FILIP1L: variants seen among roughly 807,000 people sequenced by gnomAD.
The protein encoded by FILIP1L is filamin A-interacting protein 1-like.
FILIP1L carries 55 observed loss-of-function variants against 96.6 expected under a neutral mutation model. The ratio of observed to expected loss-of-function variants is 0.57; its 90% confidence interval spans 0.46 to 0.71. The LOEUF is 0.71. FILIP1L is among the 30% of genes least tolerant of loss of function. The probability of loss-of-function intolerance (pLI) is 0.00; values close to 1 mark genes in which losing one functional copy is unlikely to be tolerated. For missense variants in FILIP1L, 1,304 were observed against 1,321.2 expected, an observed-to-expected ratio of 0.99 and a Z score of 0.20; for synonymous variants, 467 against 473.9, an observed-to-expected ratio of 0.99 and a Z score of 0.19.
chr3:100,043,280 T>C (rs2065233434), intron 1 of FILIP1L, among the ~76,000 whole-genome samples: 1 of 152,234 alleles, frequency 6.6e-6, no homozygotes, highest in Non-Finnish European at 1.5e-5. Flanking sequence ...CAGAAAATCA[T>C]GTCCAGTAAG....
At chr3:100,006,624 T>G (rs1709994972) in intron 1 of FILIP1L, among the ~76,000 whole-genome samples, 1 of 152,112 alleles carries the variant, frequency 6.6e-6, no homozygotes, top group South Asian at 2.1e-4. Flanking sequence ...ATGATGAGAA[T>G]TCAGCTCATT....
At chr3:99,952,415 T>G (rs2107690395) in intron 1 of FILIP1L, among the ~76,000 whole-genome samples, 1 of 152,270 alleles carries the variant, frequency 6.6e-6, no homozygotes, top group East Asian at 1.9e-4. Context: ...ACAGAATAAT[T>G]TTCTGGCTGA....
chr3:100,093,076 A>G (rs2066141014), intron 1 of FILIP1L, among the ~76,000 whole-genome samples: 1 of 152,138 alleles, frequency 6.6e-6, no homozygotes, highest in South Asian at 2.1e-4. Flanking sequence ...AGAATACAGA[A>G]TGGAAAAAAT....
At chr3:99,934,291 C>T (rs1304224437) in intron 1 of FILIP1L, among the ~76,000 whole-genome samples, 1 of 152,194 alleles carries the variant, frequency 6.6e-6, no homozygotes, top group Non-Finnish European at 1.5e-5. Context: ...TAACTGCAGC[C>T]ATCTTTGAAA....
At chr3:100,093,005 GAATTTGTGGGGTTTCATA>G (rs1266985226) in intron 1 of FILIP1L, among the ~76,000 whole-genome samples, 1 of 151,854 alleles carries the variant, frequency 6.6e-6, no homozygotes, top group East Asian at 1.9e-4. Context: ...CATAAATTGA[GAATTTGTGGGGTTTCATA>G]AATACGTTGA....
At chr3:100,072,727 GACTTATCACCTGACCTC>G (rs1333726267) in intron 1 of FILIP1L, among the ~76,000 whole-genome samples, 1 of 152,182 alleles carries the variant, frequency 6.6e-6, no homozygotes, top group African/African-American at 2.4e-5. Flanking sequence ...AGGTGATGAG[GACTTATCACCTGACCTC>G]ACTTGATAAT....
At chr3:99,984,127 A>G (rs1421581066) in intron 1 of FILIP1L, among the ~76,000 whole-genome samples, 1 of 151,584 alleles carries the variant, frequency 6.6e-6, no homozygotes, top group African/African-American at 2.4e-5. Flanking sequence ...GAAATAATTG[A>G]TCCATAGTTC....
rs1353135542 is a variant in FILIP1L, at chr3:100,021,956, TGTGTGAGAGAGAGAGAGA to T, written c.-10-90944_-10-90927del. Among the ~76,000 whole-genome samples, 304 of 94,568 alleles carry T rather than the reference TGTGTGAGAGAGAGAGAGA, an allele frequency of 3.2e-3. 1 individual carries two copies. The highest frequency in any genetic ancestry group is 0.025 in the Middle Eastern group (5 of 198). 62.0% of individuals were successfully genotyped at this position (94,568 alleles called of 152,430 possible). Reference sequence around the variant, plus strand: ...GTGTGTGTGTGTGTGTGTGTGTGTGTGTGTGAGAGAGAGAGAGAGAGAGAGAGAGAGAGAGAGATATGA... The same window carrying T: ...GTGTGTGTGTGTGTGTGTGTGTGTGTGAGAGAGAGAGAGAGAGAGATATGA... On this transcript the variant is annotated intron_variant, in intron 1 of 5. Transcript: ENST00000477258.
intron 5 of FILIP1L, among the ~76,000 whole-genome samples, chr3:99,840,221 C>CT (rs10935982): frequency 0.65 from 66,751 of 102,186 alleles, 23,042 homozygotes; most frequent in East Asian, 0.76. Flanking sequence ...TTCGTAGAAT[C>CT]TTTTTTTTTT....
chr3:99,897,591 G>A (rs145491312), intron 4 of FILIP1L, among the ~76,000 whole-genome samples: 1 of 152,280 alleles, frequency 6.6e-6, no homozygotes, highest in Non-Finnish European at 1.5e-5. Context: ...ACAATGGGAT[G>A]CCTTATGATG....
Position 99,930,785 on chromosome 3 carries a change from A to C in FILIP1L, c.236T>G (p.Leu79Arg). 6.2e-7 allele frequency: 1 copy of C among 1,613,414 alleles called. No homozygotes were observed. The change falls in exon 2 of 6, where the codon CTG becomes CGG. Residue 79 changes from leucine to arginine, a missense_variant. Leu to Arg is a moderately radical substitution (Grantham distance 102). Transcript: ENST00000477258. The stretch of plus-strand genomic sequence containing the variant: ...CCAGCTGACCTGCAGTTCTCCCTCC[A>C]GAATGCTGAGGAGAAATAACAGGTC... ...RDDLLFLLSI[L>R]EGELQARDEV...
intron 1 of FILIP1L, among the ~76,000 whole-genome samples, chr3:100,014,863 CTTTTTCTTTTCTTTTTTTTTTTTCTT>C (rs1710276930): frequency 5.5e-5 from 1 of 18,080 alleles, no homozygotes; most frequent in South Asian, 1.3e-3. Flanking sequence ...CACCATTTGT[CTTTTTCTTTTCTTTTTTTTTTTTCTT>C]TCTTTCTTTT....
At chr3:99,840,384 C>T (rs1576500054) in intron 5 of FILIP1L, among the ~76,000 whole-genome samples, 6 of 151,768 alleles carry the variant, frequency 4.0e-5, no homozygotes, top group South Asian at 4.2e-4. Flanking sequence ...CCACCATGCC[C>T]GGCTAATTTT....
chr3:99,867,015 TGA>T, intron 4 of FILIP1L, among the ~76,000 whole-genome samples: 2 of 152,366 alleles, frequency 1.3e-5, no homozygotes, highest in South Asian at 4.1e-4. Flanking sequence ...TTCTGAATAC[TGA>T]GAAGACAGAA....
At chr3:99,840,411 A>G (rs977199122) in intron 5 of FILIP1L, among the ~76,000 whole-genome samples, 6 of 151,680 alleles carry the variant, frequency 4.0e-5, no homozygotes, top group African/African-American at 1.5e-4. Flanking sequence ...TTTAGTAGAG[A>G]TGGGATTTCA....
At position 99,843,967 on chromosome 3, in the gene FILIP1L, C is replaced by A. The variant is rs557123696; in HGVS notation, c.3381+4328G>T. 3.9e-5 allele frequency among the ~76,000 whole-genome samples: 6 copies of A among 152,272 alleles called. No individual in the cohort carries two copies. In the South Asian group the frequency reaches 1.2e-3, roughly 32 times the overall value. On this transcript the variant is annotated intron_variant, in intron 5 of 5. Coordinates refer to ENST00000477258, the MANE Select transcript of FILIP1L (RefSeq NM_001387850.1). ...GCTAATGCCTAATGATCTGAGTGGA[C>A]AGTTTCATCCTGAAACCATCCCCCC... is the stretch of plus-strand genomic sequence containing the variant.
chr3:99,879,100 C>T (rs956601773), intron 4 of FILIP1L, among the ~76,000 whole-genome samples: 1 of 152,152 alleles, frequency 6.6e-6, no homozygotes, highest in African/African-American at 2.4e-5. Context: ...AATAAGCATA[C>T]CTAGACACCA....
At chr3:100,018,464 G>A (rs1710408680) in intron 1 of FILIP1L, among the ~76,000 whole-genome samples, 1 of 152,122 alleles carries the variant, frequency 6.6e-6, no homozygotes, top group Non-Finnish European at 1.5e-5. Context: ...GTCAGATGAG[G>A]CTCATTTGTG....
chr3:99,848,746 G>T lies in FILIP1L; in HGVS notation c.2930C>A (p.Thr977Asn), dbSNP rs750545270. The change falls in exon 5 of 6, where the codon ACC becomes AAC. Residue 977 changes from threonine to asparagine, a missense_variant. Physicochemically the swap from Thr to Asn is moderately conservative, Grantham distance 65. Transcript: ENST00000477258. The stretch of plus-strand genomic sequence containing the variant: ...CTGTGCTCTGGCAAAGGTTGCCATG[G>T]TAATTGGGGACATGCCTTGTTCTAA... ...MNLEQGMSPI[T>N]MATFARAQTP... 1.8e-5 allele frequency: 29 copies of T among 1,614,068 alleles called. No homozygotes were observed. In the Admixed American group the frequency reaches 4.8e-4, roughly 27 times the overall value.
Sources: allele counts gnomAD v4.1 joint callset (sites outside exome capture counted in the v4.1 genomes callset), GRCh38; gene constraint gnomAD v4.1.1; transcripts MANE v1.5; gene names NCBI Gene and HGNC (gene_info 2026-07-23, HGNC 2026-07-21).